The following ADAMTS12 variants were observed in gnomAD, a reference collection of about 807,000 sequenced individuals.
ADAMTS12 encodes ADAM metallopeptidase with thrombospondin type 1 motif 12.
Under a neutral mutation model 167.8 loss-of-function variants are expected in ADAMTS12, and 118 were observed. That is an observed-to-expected ratio of 0.70 (90% CI 0.61 to 0.82). ADAMTS12 has a LOEUF of 0.82. Among genes scored for constraint, ADAMTS12 ranks in the 40% least tolerant of loss-of-function variants. The probability of loss-of-function intolerance (pLI) is 0.00; values close to 1 mark genes in which losing one functional copy is unlikely to be tolerated. For missense variants in ADAMTS12, 1,916 were observed against 1,998.8 expected (o/e 0.96, Z 0.79); for synonymous variants, 704 against 716.9 (o/e 0.98, Z 0.29).
intron 2 of ADAMTS12, among the ~76,000 whole-genome samples, chr5:33,798,223 G>T (rs971641496): frequency 1.9e-4 from 29 of 149,872 alleles, no homozygotes; most frequent in Admixed American, 1.1e-3. Context: ...TAGTATATTA[G>T]TCTTTTAGGG....
chr5:33,772,478 G>A (rs573425850), intron 2 of ADAMTS12, among the ~76,000 whole-genome samples: 95 of 152,288 alleles, frequency 6.2e-4, no homozygotes, highest in Non-Finnish European at 7.6e-4. Context: ...TCCTCCCAAG[G>A]TGCTGTATTA....
At chr5:33,818,918 T>C (rs1747768159) in intron 2 of ADAMTS12, among the ~76,000 whole-genome samples, 1 of 152,122 alleles carries the variant, frequency 6.6e-6, no homozygotes, top group Admixed American at 6.6e-5. Context: ...CCTTTTCTTA[T>C]TTTTTAATCA....
chr5:33,859,512 G>A (rs1749525091), intron 2 of ADAMTS12, among the ~76,000 whole-genome samples: 1 of 152,336 alleles, frequency 6.6e-6, no homozygotes, highest in Middle Eastern at 3.4e-3. Context: ...GCTCCAGTCA[G>A]GGGCTTATAG....
intron 14 of ADAMTS12, among the ~76,000 whole-genome samples, chr5:33,622,713 G>C (rs1290323070): frequency 6.6e-6 from 1 of 151,158 alleles, no homozygotes; most frequent in Non-Finnish European, 1.5e-5. Context: ...ACGATTTTAA[G>C]TGTAACTTTT....
intron 2 of ADAMTS12, among the ~76,000 whole-genome samples, chr5:33,757,934 G>A (rs539340302): frequency 6.6e-6 from 1 of 152,292 alleles, no homozygotes; most frequent in East Asian, 1.9e-4. Flanking sequence ...ACAGTATAAA[G>A]TGGTGCTTTA....
chr5:33,889,529 C>G (rs1453926760), intron 1 of ADAMTS12, among the ~76,000 whole-genome samples: 2 of 152,212 alleles, frequency 1.3e-5, no homozygotes, highest in Non-Finnish European at 2.9e-5. Context: ...TCCATCCCTT[C>G]CTCCCTCTTT....
intron 2 of ADAMTS12, among the ~76,000 whole-genome samples, chr5:33,781,216 G>C (rs1376272817): frequency 1.3e-5 from 2 of 151,814 alleles, no homozygotes; most frequent in African/African-American, 4.8e-5. Flanking sequence ...ACATGCAAAT[G>C]TCTGTGCATG....
chr5:33,716,717 A>G (rs143614399), intron 3 of ADAMTS12, among the ~76,000 whole-genome samples: 16 of 152,296 alleles, frequency 1.1e-4, no homozygotes, highest in Admixed American at 1.0e-3. Context: ...CGAACAAAAT[A>G]CATTTTGAAA....
rs185214496 is a variant in ADAMTS12, at chr5:33,611,708, G to T, written c.2527+2530C>A. On this transcript the variant is annotated intron_variant, in intron 16 of 23. Coordinates refer to ENST00000504830, the MANE Select transcript of ADAMTS12 (RefSeq NM_030955.4). Reference sequence around the variant, plus strand: ...ATCAGAAGAACAGCAATAAGGAATTGGTTAAGGAAATTTTACTTTATCTTT... The same window carrying T: ...ATCAGAAGAACAGCAATAAGGAATTTGTTAAGGAAATTTTACTTTATCTTT... Among the ~76,000 whole-genome samples, 493 of 152,182 alleles carry T rather than the reference G, an allele frequency of 3.2e-3. 2 individuals carry two copies. The highest frequency in any genetic ancestry group is 0.011 in the African/African-American group (463 of 41,518).
chr5:33,774,325 A>G (rs1306643073), intron 2 of ADAMTS12, among the ~76,000 whole-genome samples: 1 of 152,204 alleles, frequency 6.6e-6, no homozygotes, highest in African/African-American at 2.4e-5. Flanking sequence ...GGATCTCTAG[A>G]GGAATTGAAA....
chr5:33,790,427 C>T (rs1441856046), intron 2 of ADAMTS12, among the ~76,000 whole-genome samples: 1 of 152,028 alleles, frequency 6.6e-6, no homozygotes, highest in African/African-American at 2.4e-5. Flanking sequence ...GTGGCGCATG[C>T]CTGTAGTCCC....
intron 3 of ADAMTS12, among the ~76,000 whole-genome samples, chr5:33,695,428 A>G (rs541913342): frequency 2.0e-4 from 31 of 152,368 alleles, no homozygotes; most frequent in African/African-American, 7.5e-4. Flanking sequence ...CGTGACATAG[A>G]GATTTATTTT....
chr5:33,557,416 T>C (rs1041853409), intron 20 of ADAMTS12, among the ~76,000 whole-genome samples: 2 of 152,156 alleles, frequency 1.3e-5, no homozygotes, highest in Non-Finnish European at 2.9e-5. Flanking sequence ...AAAGAGAGCA[T>C]AAAAGGCCTA....
At chr5:33,850,365 TC>T (rs1749177718) in intron 2 of ADAMTS12, among the ~76,000 whole-genome samples, 1 of 152,130 alleles carries the variant, frequency 6.6e-6, no homozygotes. Context: ...GCCTTCTTGT[TC>T]CCTTTCACAA....
At position 33,543,766 on chromosome 5, in the gene ADAMTS12, G is replaced by A. The variant is rs146538077; in HGVS notation, c.4446+2293C>T. Among the ~76,000 whole-genome samples, 364 of 152,276 alleles carry A rather than the reference G, an allele frequency of 2.4e-3. 2 individuals carry two copies. Among genetic ancestry groups the A allele is most frequent in the African/African-American group, 8.5e-3 (354 of 41,558 alleles). On this transcript the variant is annotated intron_variant, in intron 22 of 23. Transcript: ENST00000504830. ...ACAGAACCAACAACAAAAACCACAT[G>A]ATTGTCTCAATAGATGCAGAAAAGG...
chr5:33,563,308 G>T (rs1297454536), intron 19 of ADAMTS12, among the ~76,000 whole-genome samples: 1 of 152,180 alleles, frequency 6.6e-6, no homozygotes, highest in Non-Finnish European at 1.5e-5. Context: ...TCCAGAGGTG[G>T]AATTTATTTC....
At chr5:33,783,686 G>A (rs10080046) in intron 2 of ADAMTS12, among the ~76,000 whole-genome samples, 54,483 of 151,548 alleles carry the variant, frequency 0.36, 10,891 homozygotes, top group East Asian at 0.58. Flanking sequence ...AAGACAAACT[G>A]TAACAGGTTA....
chr5:33,555,043 A>G (rs1745426973), intron 20 of ADAMTS12, among the ~76,000 whole-genome samples: 1 of 152,204 alleles, frequency 6.6e-6, no homozygotes, highest in Non-Finnish European at 1.5e-5. Flanking sequence ...GAAAAGGGCA[A>G]TGTTCATTCT....
At position 33,705,151 on chromosome 5, in the gene ADAMTS12, C is replaced by T. The variant is rs551804516; in HGVS notation, c.635-21096G>A. On this transcript the variant is annotated intron_variant, in intron 3 of 23. Coordinates refer to ENST00000504830, the MANE Select transcript of ADAMTS12 (RefSeq NM_030955.4). ...ACTCCCACTTGTAAGTAGAACATAT[C>T]GTGTTTGGTTTTCCATTTCTGAGTT... 3.3e-5 allele frequency among the ~76,000 whole-genome samples: 5 copies of T among 151,818 alleles called. No homozygotes were observed. In the South Asian group the frequency reaches 8.3e-4, roughly 25 times the overall value.
Sources: gnomAD v4.1 joint callset for allele counts (sites outside exome capture counted in the v4.1 genomes callset) on GRCh38, gnomAD v4.1.1 for gene constraint, MANE v1.5 for transcripts, NCBI Gene and HGNC (gene_info 2026-07-23, HGNC 2026-07-21) for gene names.